Variants in RASIP1 observed in about 807,000 individuals in gnomAD.
The protein encoded by RASIP1 is ras-interacting protein 1.
In RASIP1, 20 loss-of-function variants were observed where a neutral mutation model predicts 85.3. The observed-to-expected ratio is 0.23, with a 90% CI of 0.17 to 0.34. The LOEUF (loss-of-function observed/expected upper bound fraction) is 0.34, where lower values mean the gene tolerates loss of function less well. Among genes scored for constraint, RASIP1 ranks in the 10% least tolerant of loss-of-function variants. The pLI is 1.00. For synonymous variants in RASIP1, 617 were observed against 647.1 expected (o/e 0.95, Z 0.71); for missense variants, 1,170 against 1,390.9 (o/e 0.84, Z 2.53).
intron 5 of RASIP1, among the ~76,000 whole-genome samples, chr19:48,728,506 C>T (rs1393341515): frequency 1.3e-5 from 2 of 152,172 alleles, no homozygotes; most frequent in South Asian, 2.1e-4. Context: ...TGGCTCACAC[C>T]TGTAATCCCA....
At position 48,740,305 on chromosome 19, in the gene RASIP1, G is replaced by A. The variant is rs542844916; in HGVS notation, c.-4-19C>T. The A allele has an allele frequency of 1.3e-6, 2 of 1,566,990 alleles. No individual in the cohort carries two copies. The highest frequency in any genetic ancestry group is 4.0e-5 in the Admixed American group (2 of 49,600). ...CATGGCCCTAAGGGAAGGCGGGTAA[G>A]GCCCCAACTCCTAAGGCATTCTTGT... On this transcript the variant is annotated intron_variant, in intron 1 of 11. Transcript: ENST00000222145. The surrounding 1 kb of genome is among the most constrained non-coding windows in gnomAD (Gnocchi z 5.5).
In RASIP1 at chr19:48,740,247, G is replaced by A. The variant is rs775601587; in HGVS notation, c.36C>T (p.Pro12=). The change falls in exon 2 of 12, where the codon CCC becomes CCT. Residue 12 remains proline (P), a synonymous_variant. Coordinates refer to ENST00000222145, the MANE Select transcript of RASIP1 (RefSeq NM_017805.3). This position sits in a 1 kb window ranked among gnomAD's most constrained non-coding sequence, Gnocchi z 5.5. ...CGGGGAGATGAAGCTTCCCGAAGCG[G>A]GGGCTTCCGCCCTCCTTCCGTTCAC... ...LSGERKEGGS[P]RFGKLHLPVG... is the part of the protein sequence containing the mutation. 6.3e-7 allele frequency: 1 copy of A among 1,588,114 alleles called. No individual in the cohort carries two copies. Among genetic ancestry groups the A allele is most frequent in the East Asian group, 2.3e-5 (1 of 42,848 alleles).
intron 4 of RASIP1, among the ~76,000 whole-genome samples, chr19:48,734,231 C>G (rs904287060): frequency 3.3e-5 from 5 of 151,848 alleles, no homozygotes; most frequent in South Asian, 2.1e-4. Context: ...GGAGACAGAG[C>G]TTGCAGTGAG....
At chr19:48,728,889 G>C in intron 5 of RASIP1, 48 bp downstream of exon 5, 3 of 1,403,702 alleles carry the variant, frequency 2.1e-6, no homozygotes, top group Non-Finnish European at 2.8e-6. Flanking sequence ...GGCTGGAGAA[G>C]GGACTTGGGG....
intron 4 of RASIP1, among the ~76,000 whole-genome samples, chr19:48,729,896 G>A (rs1030451464): frequency 5.3e-5 from 8 of 151,664 alleles, no homozygotes; most frequent in Admixed American, 1.3e-4. Flanking sequence ...TGTATTTTTA[G>A]TAGGGAAAGG....
At chr19:48,736,231 C>A (rs774214490) in intron 3 of RASIP1, among the ~76,000 whole-genome samples, 1 of 151,332 alleles carries the variant, frequency 6.6e-6, no homozygotes, top group Non-Finnish European at 1.5e-5. Flanking sequence ...TTGGCTAACA[C>A]GGTGAAACCC....
At chr19:48,723,656 C>T (rs886703955) in intron 10 of RASIP1, among the ~76,000 whole-genome samples, 2 of 151,958 alleles carry the variant, frequency 1.3e-5, no homozygotes, top group African/African-American at 2.4e-5. Flanking sequence ...TCACCTACTT[C>T]GATGGGGCTT....
Position 48,740,105 on chromosome 19 carries a change from C to G in RASIP1, c.137+41G>C. The stretch of plus-strand genomic sequence containing the variant: ...GCAGTGAACAGGGACAGATGGGAAG[C>G]AGGTGTGCAGGGGCAGGAGTCCTGC... On this transcript the variant is annotated intron_variant, in intron 2 of 11. Transcript: ENST00000222145. This position sits in a 1 kb window ranked among gnomAD's most constrained non-coding sequence, Gnocchi z 5.5. 3.3e-6 allele frequency: 5 copies of G among 1,528,912 alleles called. No individual in the cohort carries two copies. The South Asian group carries it at 5.0e-5, about 15-fold the overall frequency. 94.7% of individuals were successfully genotyped at this position (1,528,912 alleles called of 1,614,324 possible).
At position 48,739,024 on chromosome 19, in the gene RASIP1, C is replaced by T; in HGVS notation, c.759G>A (p.Glu253=). The T allele has an allele frequency of 8.0e-7, 1 of 1,247,860 alleles. No homozygotes were observed. The highest frequency in any genetic ancestry group is 1.0e-6 in the Non-Finnish European group (1 of 999,762). The allele number at this position is 1,247,860 out of a possible 1,614,324, so 77.3% of individuals were successfully genotyped here. The change falls in exon 3 of 12, where the codon GAG becomes GAA. Residue 253 remains glutamate, a synonymous_variant. Transcript: ENST00000222145. This position sits in a 1 kb window ranked among gnomAD's most constrained non-coding sequence, Gnocchi z 9.2. ...GCCGCGCCTCCTCGCGGCCGCGCAA[C>T]TCGAAGCGCCGCGCCCAGCCGGGCC... ...RARPGWARRF[E]LRGREEARRL...
chr19:48,721,793 A>T, intron 11 of RASIP1, 61 bp downstream of exon 11: 1 of 1,525,688 alleles, frequency 6.6e-7, no homozygotes, highest in Non-Finnish European at 8.8e-7. Flanking sequence ...ACAGGGCGAG[A>T]CTCCGTCTCA....
At chr19:48,737,860 C>T (rs1241450849) in intron 3 of RASIP1, 1 of 985,074 alleles carries the variant, frequency 1.0e-6, no homozygotes, top group Non-Finnish European at 1.2e-6. Context: ...CTGCATCGCT[C>T]CCAAGAACAT....
In RASIP1 at chr19:48,735,326, G is replaced by C; in HGVS notation, c.1049C>G (p.Ala350Gly). 6.2e-7 allele frequency: 1 copy of C among 1,613,762 alleles called. No homozygotes were observed. The highest frequency in any genetic ancestry group is 1.7e-4 in the Middle Eastern group (1 of 6,002). ...QERRQQALSM[A>G]PGAADAQIGT... The stretch of plus-strand genomic sequence containing the variant: ...GATTTGGGCGTCGGCTGCCCCTGGG[G>C]CCATGCTAAGTGCCTGCTGTCTCCG... The change falls in exon 4 of 12, where the codon GCC becomes GGC. Residue 350 changes from alanine (A) to glycine (G), a missense_variant. By Grantham distance (60) the Ala-to-Gly change is moderately conservative. Coordinates refer to ENST00000222145, the MANE Select transcript of RASIP1 (RefSeq NM_017805.3).
intron 4 of RASIP1, 29 bp from the exon 5 acceptor site, chr19:48,729,619 A>G: frequency 1.3e-6 from 2 of 1,549,946 alleles, no homozygotes; most frequent in Non-Finnish European, 1.8e-6. Flanking sequence ...TGCACTAAGG[A>G]CATCACTTCA....
At chr19:48,736,869 C>G (rs2033582376) in intron 3 of RASIP1, among the ~76,000 whole-genome samples, 1 of 152,086 alleles carries the variant, frequency 6.6e-6, no homozygotes, top group Non-Finnish European at 1.5e-5. Flanking sequence ...ACCCCCATCT[C>G]TACTCAAAAT....
intron 3 of RASIP1, chr19:48,737,520 A>T (rs2122482102): frequency 1.0e-6 from 1 of 985,024 alleles, no homozygotes; most frequent in African/African-American, 1.7e-5. Flanking sequence ...TTCCCATGTG[A>T]TCCCACTTGG....
Position 48,740,124 on chromosome 19 carries a change from G to A in RASIP1, c.137+22C>T, listed in dbSNP as rs557151649. On this transcript the variant is annotated intron_variant, in intron 2 of 11. Transcript: ENST00000222145. This position sits in a 1 kb window ranked among gnomAD's most constrained non-coding sequence, Gnocchi z 5.5. ...GGGAAGCAGGTGTGCAGGGGCAGGA[G>A]TCCTGCAGAGATGGCACTCACTTGA... 7 of 1,573,368 alleles carry A rather than the reference G, an allele frequency of 4.4e-6. No individual in the cohort carries two copies. In the African/African-American group the frequency reaches 9.7e-5, roughly 22 times the overall value.
chr19:48,726,996 T>A lies in RASIP1; in HGVS notation c.2023+11A>T, dbSNP rs753635652. On this transcript the variant is annotated intron_variant, in intron 7 of 11. Coordinates refer to ENST00000222145, the MANE Select transcript of RASIP1 (RefSeq NM_017805.3). ...AGACTTGGACAAGCCTGAGCCTGAG[T>A]CAGAGCTCACCCTCTTGGTCAGCCT... 78 of 1,614,016 alleles carry A rather than the reference T, an allele frequency of 4.8e-5. No individual in the cohort carries two copies. The East Asian group carries it at 1.6e-3, about 34-fold the overall frequency.
intron 3 of RASIP1, chr19:48,737,631 ACT>A: frequency 1.0e-6 from 1 of 984,562 alleles, no homozygotes; most frequent in Non-Finnish European, 1.2e-6. Flanking sequence ...GTATTCACTC[ACT>A]CTGCAGGTGT....
At position 48,738,484 on chromosome 19, in the gene RASIP1, A is replaced by G. The variant is rs2122485614; in HGVS notation, c.823+476T>C. Reference sequence around the variant, plus strand: ...GCAAATTGCTAGTGTCCTCTAACCTACCACACAGGGCGAATCCCTTAGGCC... The same window carrying G: ...GCAAATTGCTAGTGTCCTCTAACCTGCCACACAGGGCGAATCCCTTAGGCC... On this transcript the variant is annotated intron_variant, in intron 3 of 11. Coordinates refer to ENST00000222145, the MANE Select transcript of RASIP1 (RefSeq NM_017805.3). This position sits in a 1 kb window ranked among gnomAD's most constrained non-coding sequence, Gnocchi z 4.0. 1 of 153,146 alleles carries G rather than the reference A, an allele frequency of 6.5e-6. No homozygotes were observed. The highest frequency in any genetic ancestry group is 1.5e-5 in the Non-Finnish European group (1 of 68,692). The allele number at this position is 153,146 out of a possible 1,614,324, so 9.5% of individuals were successfully genotyped here. A position where few individuals can be genotyped will look rare whatever the true frequency, so the allele number is the denominator to read the frequency against.
Sources: gnomAD v4.1 joint callset for allele counts (sites outside exome capture counted in the v4.1 genomes callset) on GRCh38, gnomAD v4.1.1 for gene constraint, Gnocchi (gnomAD v3.1) non-coding constraint, MANE v1.5 for transcripts, NCBI Gene and HGNC (gene_info 2026-07-23, HGNC 2026-07-21) for gene names.